NUFIP1: variants seen among roughly 807,000 people sequenced by gnomAD.
NUFIP1 encodes the protein nuclear FMR1 interacting protein 1.
NUFIP1 carries 38 observed loss-of-function variants against 56.2 expected under a neutral mutation model. That is an observed-to-expected ratio of 0.68 (90% CI 0.52 to 0.89). The LOEUF (loss-of-function observed/expected upper bound fraction) is 0.89. Among genes scored for constraint, NUFIP1 ranks in the 40% least tolerant of loss-of-function variants. The pLI, the probability that NUFIP1 is intolerant of heterozygous loss-of-function variation, is 0.00. For synonymous variants in NUFIP1, 215 were observed against 212.4 expected (o/e 1.01, Z -0.10); for missense variants, 567 against 605.8 (o/e 0.94, Z 0.67).
intron 7 of NUFIP1, among the ~76,000 whole-genome samples, chr13:44,956,779 G>A (rs1441196260): frequency 6.6e-6 from 1 of 152,150 alleles, no homozygotes; most frequent in Admixed American, 6.6e-5. Context: ...AGCCATGCTT[G>A]CTCGCTGCTC....
chr13:44,955,882 G>A (rs1169801169), intron 7 of NUFIP1, among the ~76,000 whole-genome samples: 5 of 151,878 alleles, frequency 3.3e-5, no homozygotes, highest in African/African-American at 9.6e-5. Flanking sequence ...GGTGGCTCAC[G>A]CCTGTAATCC....
chr13:44,965,712 A>G, intron 6 of NUFIP1, 132 bp downstream of exon 6: 1 of 361,030 alleles, frequency 2.8e-6, no homozygotes, highest in Non-Finnish European at 4.7e-6. Context: ...AAATAAATAA[A>G]AATAAAAATA....
intron 5 of NUFIP1, among the ~76,000 whole-genome samples, chr13:44,971,769 T>G (rs994121591): frequency 6.6e-6 from 1 of 152,236 alleles, no homozygotes; most frequent in African/African-American, 2.4e-5. Flanking sequence ...CTTTTTCTCT[T>G]CTTTCTGCCT....
chr13:44,961,067 A>G (rs1871407486), intron 6 of NUFIP1, among the ~76,000 whole-genome samples: 1 of 151,850 alleles, frequency 6.6e-6, no homozygotes, highest in Non-Finnish European at 1.5e-5. Context: ...AAAAAAAAAA[A>G]AAAAAGAAAG....
At chr13:44,984,079 T>C (rs567499926) in intron 1 of NUFIP1, among the ~76,000 whole-genome samples, 2 of 152,284 alleles carry the variant, frequency 1.3e-5, no homozygotes, top group Admixed American at 1.3e-4. Context: ...ACCTTTCACA[T>C]ACTCTGCTTC....
chr13:44,963,787 C>T (rs1037217098), intron 6 of NUFIP1, among the ~76,000 whole-genome samples: 1 of 152,134 alleles, frequency 6.6e-6, no homozygotes. Flanking sequence ...TTTTGTCTCT[C>T]TGCTCAAGAG....
Position 44,959,540 on chromosome 13 carries a change from C to A in NUFIP1, c.862G>T (p.Ala288Ser). ...TTCTTGCCAGGACTTCTGATCTTTG[C>A]CATTTGTGAATGTCTGGACATCCCC... ...MKGMSRHSQMAKIRSPGKNHK... is the reference protein window; with the variant it reads ...MKGMSRHSQMSKIRSPGKNHK... The change falls in exon 7 of 10, where the codon GCA (alanine) becomes TCA (serine). Residue 288 changes from alanine to serine, a missense_variant. Physicochemically the swap from Ala to Ser is moderately conservative, Grantham distance 99. Transcript: ENST00000379161. The A allele has an allele frequency of 6.2e-7, 1 of 1,613,258 alleles. No homozygotes were observed. The highest frequency in any genetic ancestry group is 8.5e-7 in the Non-Finnish European group (1 of 1,179,834).
At chr13:44,971,930 G>GA (rs1475338530) in intron 5 of NUFIP1, among the ~76,000 whole-genome samples, 1 of 151,878 alleles carries the variant, frequency 6.6e-6, no homozygotes, top group East Asian at 1.9e-4. Flanking sequence ...TTAACCTTGG[G>GA]AAAATGACAC....
chr13:44,946,712 G>A (rs148043743), intron 8 of NUFIP1, among the ~76,000 whole-genome samples: 18 of 152,202 alleles, frequency 1.2e-4, no homozygotes, highest in African/African-American at 3.6e-4. Flanking sequence ...TAATTATGAA[G>A]ACACAATTGT....
At chr13:44,953,263 AATT>A (rs1050870454) in intron 7 of NUFIP1, among the ~76,000 whole-genome samples, 27 of 152,168 alleles carry the variant, frequency 1.8e-4, no homozygotes, top group African/African-American at 6.3e-4. Flanking sequence ...GGTAATTAAT[AATT>A]ATTATAATTA....
At chr13:44,982,299 A>G (rs1203022481) in intron 1 of NUFIP1, 145 bp from the exon 2 acceptor site, 10 of 383,942 alleles carry the variant, frequency 2.6e-5, no homozygotes, top group Non-Finnish European at 4.1e-5. Context: ...TTCAAACAAA[A>G]TAACAAAGAT....
At position 44,957,022 on chromosome 13, in the gene NUFIP1, C is replaced by T. The variant is rs548358136; in HGVS notation, c.1021+2359G>A. Reference sequence around the variant, plus strand: ...CATTGTGATTTCCTTGGTTATAATACAATATTATAAAAATTAATAAATTTT... The same window carrying T: ...CATTGTGATTTCCTTGGTTATAATATAATATTATAAAAATTAATAAATTTT... On this transcript the variant is annotated intron_variant, in intron 7 of 9. Transcript: ENST00000379161. 1.1e-3 allele frequency among the ~76,000 whole-genome samples: 173 copies of T among 152,082 alleles called. No individual in the cohort carries two copies. The Middle Eastern group carries it at 0.014, about 12-fold the overall frequency.
chr13:44,982,200 T>A, intron 1 of NUFIP1, 46 bp from the exon 2 acceptor site: 2 of 925,592 alleles, frequency 2.2e-6, no homozygotes, highest in Non-Finnish European at 3.0e-6. Context: ...TGTAATTATT[T>A]AAATTATAAT....
In NUFIP1 at chr13:44,940,550, TA is replaced by T. The variant is rs1185798253; in HGVS notation, c.*655del. On this transcript the variant is annotated 3_prime_UTR_variant, in exon 10 of 10. Coordinates refer to ENST00000379161, the MANE Select transcript of NUFIP1 (RefSeq NM_012345.3). ...ATTATAGGAGACAAAAAGATCTCAA[TA>T]GCTTTCATTTACTTTACAATTTTTA... The T allele has an allele frequency of 6.6e-6, 1 of 152,248 alleles. No homozygotes were observed. The highest frequency in any genetic ancestry group is 6.5e-5 in the Admixed American group (1 of 15,282). The allele number at this position is 152,248 out of a possible 1,614,324, so 9.4% of individuals were successfully genotyped here.
chr13:44,942,572 CCAAA>C (rs1199970724), intron 9 of NUFIP1, among the ~76,000 whole-genome samples: 3 of 152,100 alleles, frequency 2.0e-5, no homozygotes, highest in Non-Finnish European at 2.9e-5. Context: ...TAAGTCAAAA[CCAAA>C]CAGACTTTTC....
At chr13:44,974,581 T>C (rs1871905949) in intron 5 of NUFIP1, among the ~76,000 whole-genome samples, 1 of 152,150 alleles carries the variant, frequency 6.6e-6, no homozygotes, top group South Asian at 2.1e-4. Context: ...AGACAAGGTT[T>C]CGCTCTGTTA....
intron 8 of NUFIP1, 114 bp downstream of exon 8, chr13:44,949,608 G>C (rs1871017485): frequency 1.5e-6 from 1 of 647,558 alleles, no homozygotes; most frequent in East Asian, 2.7e-5. Context: ...AAATGGAAAA[G>C]GAATTTGAAA....
At chr13:44,984,933 C>T (rs1005367708) in intron 1 of NUFIP1, among the ~76,000 whole-genome samples, 1 of 152,078 alleles carries the variant, frequency 6.6e-6, no homozygotes. Flanking sequence ...TTGTTCAATT[C>T]CCATCTATGA....
intron 7 of NUFIP1, among the ~76,000 whole-genome samples, chr13:44,950,313 T>C (rs1422999460): frequency 6.6e-6 from 1 of 152,228 alleles, no homozygotes; most frequent in Admixed American, 6.5e-5. Flanking sequence ...AAGCATTCTA[T>C]AGGCTTAGTC....
Sources: allele counts gnomAD v4.1 joint callset (sites outside exome capture counted in the v4.1 genomes callset), GRCh38; gene constraint gnomAD v4.1.1; transcripts MANE v1.5; gene names NCBI Gene and HGNC (gene_info 2026-07-23, HGNC 2026-07-21).